Variants in PXN observed in about 807,000 individuals in gnomAD.
The protein encoded by PXN is paxillin, also known as testicular tissue protein Li 134.
Under a neutral mutation model 103.6 loss-of-function variants are expected in PXN, and 61 were observed. The ratio of observed to expected loss-of-function variants is 0.59; its 90% CI spans 0.48 to 0.73. The LOEUF (loss-of-function observed/expected upper bound fraction) is 0.73, where lower values mean the gene tolerates loss of function less well. Ranked by LOEUF, PXN falls within the 30% of genes least tolerant of loss-of-function variation. PXN has a pLI of 0.00. For missense variants in PXN, 1,274 were observed against 1,460.3 expected, an observed-to-expected ratio of 0.87 and a Z score of 2.08; for synonymous variants, 562 against 607.8, an observed-to-expected ratio of 0.92 and a Z score of 1.11.
At chr12:120,244,370 G>T (rs951718630) in intron 1 of PXN, among the ~76,000 whole-genome samples, 1 of 151,798 alleles carries the variant, frequency 6.6e-6, no homozygotes, top group Non-Finnish European at 1.5e-5. Context: ...AACTTGGTCG[G>T]GCGCGGTGGC....
rs1003426944 is a variant in PXN at position 120,212,724 on chromosome 12, C to G, written c.2980-144G>C. ...TTCCCATGTGCCGTGTTGTCCTAAA[C>G]GCTCATTTTTCATTTTTATTTTATT... is the stretch of plus-strand genomic sequence containing the variant. On this transcript the variant is annotated intron_variant, in intron 14 of 14. Transcript: ENST00000637617. This position sits in a 1 kb window ranked among gnomAD's most constrained non-coding sequence, Gnocchi z 7.2. The G allele has an allele frequency of 3.5e-5, 31 of 876,498 alleles. No homozygotes were observed. Among genetic ancestry groups the G allele is most frequent in the Middle Eastern group, 3.7e-4 (1 of 2,700 alleles). The allele number at this position is 876,498 out of a possible 1,614,324, so 54.3% of individuals were successfully genotyped here.
chr12:120,231,065 A>C (rs1045177825), intron 1 of PXN, among the ~76,000 whole-genome samples: 1 of 152,222 alleles, frequency 6.6e-6, no homozygotes, highest in African/African-American at 2.4e-5. Flanking sequence ...CAGTGAGCAG[A>C]GCAAACAGCC....
chr12:120,250,076 A>G (rs1240540311), intron 1 of PXN: 2 of 985,476 alleles, frequency 2.0e-6, no homozygotes, highest in Non-Finnish European at 2.4e-6. Context: ...ACCCCAGAGG[A>G]GCCCATCCCA....
At chr12:120,255,277 G>C (rs1163821501) in intron 1 of PXN, among the ~76,000 whole-genome samples, 3 of 152,224 alleles carry the variant, frequency 2.0e-5, no homozygotes, top group Non-Finnish European at 4.4e-5. Context: ...GGAAAAGAAG[G>C]TGGGAGGGTC....
At chr12:120,252,389 T>G (rs1364913808) in intron 1 of PXN, among the ~76,000 whole-genome samples, 1 of 151,834 alleles carries the variant, frequency 6.6e-6, no homozygotes, top group Non-Finnish European at 1.5e-5. Context: ...AGCAGGAGGG[T>G]CAACAGGCTG....
chr12:120,250,211 C>T (rs1372375304), intron 1 of PXN: 1 of 981,630 alleles, frequency 1.0e-6, no homozygotes, highest in Non-Finnish European at 1.2e-6. Context: ...ACTCCCATTT[C>T]CACCTAAGGA....
At position 120,213,996 on chromosome 12, in the gene PXN, G is replaced by GA; in HGVS notation, c.2831-7dup. 1.2e-6 allele frequency: 2 copies of GA among 1,611,404 alleles called. No individual in the cohort carries two copies. The highest frequency in any genetic ancestry group is 1.7e-6 in the Non-Finnish European group (2 of 1,179,084). ...GCCGTCCTTCTCGTGGAACCCTGGGGAGCGGGGGTTTTGGAGGCACAGTTC... is the reference window on the plus strand; with the variant it reads ...GCCGTCCTTCTCGTGGAACCCTGGGGAAGCGGGGGTTTTGGAGGCACAGTTC... On this transcript the variant is annotated splice_polypyrimidine_tract_variant and splice_region_variant and intron_variant, in intron 13 of 14. Transcript: ENST00000637617. The surrounding 1 kb of genome is among the most constrained non-coding windows in gnomAD (Gnocchi z 4.2).
chr12:120,215,341 T>A lies in PXN; in HGVS notation c.2404-68A>T. On this transcript the variant is annotated intron_variant, in intron 10 of 14. Transcript: ENST00000637617. The surrounding 1 kb of genome is among the most constrained non-coding windows in gnomAD (Gnocchi z 4.9). Reference sequence around the variant, plus strand: ...GGTACGGTGTCTGGCAGCACAGGGATGGGGGTACTTTTCTCCCTCCTGGAC... The same window carrying A: ...GGTACGGTGTCTGGCAGCACAGGGAAGGGGGTACTTTTCTCCCTCCTGGAC... 1 of 1,527,362 alleles carries A rather than the reference T, an allele frequency of 6.5e-7. No homozygotes were observed. The highest frequency in any genetic ancestry group is 8.8e-7 in the Non-Finnish European group (1 of 1,141,314). The allele number at this position is 1,527,362 out of a possible 1,614,324, so 94.6% of individuals were successfully genotyped here.
Position 120,212,229 on chromosome 12 carries a change from C to G in PXN, c.*85G>C. The G allele has an allele frequency of 6.5e-7, 1 of 1,534,374 alleles. No homozygotes were observed. Among genetic ancestry groups the G allele is most frequent in the Non-Finnish European group, 8.8e-7 (1 of 1,140,064 alleles). ...GTTCCAGTTTCAGTCGGGTTTACCC[C>G]TTCACCCCCGGGTGAAGTCTCTAGG... On this transcript the variant is annotated 3_prime_UTR_variant, in exon 15 of 15. Coordinates refer to ENST00000637617, the MANE Select transcript of PXN (RefSeq NM_001385981.1). This position sits in a 1 kb window ranked among gnomAD's most constrained non-coding sequence, Gnocchi z 7.2.
chr12:120,260,498 A>AG (rs1285759173), intron 1 of PXN, among the ~76,000 whole-genome samples: 5 of 48,898 alleles, frequency 1.0e-4, no homozygotes, highest in African/African-American at 5.6e-4. Context: ...AGTGAAACTC[A>AG]GGAAAAAAAA....
At position 120,216,483 on chromosome 12, in the gene PXN, C is replaced by T. The variant is rs554744807; in HGVS notation, c.2091G>A (p.Ala697=). 1.4e-6 allele frequency: 2 copies of T among 1,385,366 alleles called. No individual in the cohort carries two copies. The highest frequency in any genetic ancestry group is 1.5e-5 in the African/African-American group (1 of 66,080). 85.8% of individuals were successfully genotyped at this position (1,385,366 alleles called of 1,614,324 possible). A position where few individuals can be genotyped will look rare whatever the true frequency, so the allele number is the denominator to read the frequency against. Residue 697 remains alanine, a synonymous_variant, in exon 9 of 15, where the codon GCG becomes GCA. Transcript: ENST00000637617. This position sits in a 1 kb window ranked among gnomAD's most constrained non-coding sequence, Gnocchi z 5.1. ...TGGGCAGGGGAGAAGAGCTGCTGGC[C>T]GCGGCGTCTGTGCGATGCTGGAGCA... ...VPLLQHRTDA[A]ASSSSPLPSL... is the part of the protein sequence containing the mutation.
At position 120,212,020 on chromosome 12, in the gene PXN, T is replaced by A. The variant is rs367774069; in HGVS notation, c.*294A>T. ...CAGTGTGGGGTGCTGGCCAGGCCAG[T>A]TCGTGGGGACGTACATGGGCTGGGG... On this transcript the variant is annotated 3_prime_UTR_variant, in exon 15 of 15. Transcript: ENST00000637617. This position sits in a 1 kb window ranked among gnomAD's most constrained non-coding sequence, Gnocchi z 7.2. 6.5e-5 allele frequency: 42 copies of A among 650,032 alleles called. No individual in the cohort carries two copies. The highest frequency in any genetic ancestry group is 1.2e-4 in the Non-Finnish European group (41 of 344,542). The allele number at this position is 650,032 out of a possible 1,614,324, so 40.3% of individuals were successfully genotyped here.
chr12:120,222,265 G>T lies in PXN; in HGVS notation c.695+284C>A, dbSNP rs981382052. ...TAAGGCTTGAGAGCTGACAGTAACT[G>T]TCAGAGCCAAGATGTGAACCCCACT... is the stretch of plus-strand genomic sequence containing the variant. On this transcript the variant is annotated intron_variant, in intron 5 of 14. Transcript: ENST00000637617. The surrounding 1 kb of genome is among the most constrained non-coding windows in gnomAD (Gnocchi z 4.7). 6.6e-6 allele frequency among the ~76,000 whole-genome samples: 1 copy of T among 152,318 alleles called. No individual in the cohort carries two copies. The highest frequency in any genetic ancestry group is 6.5e-5 in the Admixed American group (1 of 15,306).
chr12:120,252,717 T>TCAAATACAAG (rs1407123498), intron 1 of PXN, among the ~76,000 whole-genome samples: 2 of 151,850 alleles, frequency 1.3e-5, no homozygotes, highest in African/African-American at 4.8e-5. Context: ...ACAGAGAGGG[T>TCAAATACAAG]CAAATACAAG....
In PXN at chr12:120,220,724, C is replaced by T. The variant is rs541534468; in HGVS notation, c.832-633G>A. On this transcript the variant is annotated intron_variant, in intron 6 of 14. Coordinates refer to ENST00000637617, the MANE Select transcript of PXN (RefSeq NM_001385981.1). This position sits in a 1 kb window ranked among gnomAD's most constrained non-coding sequence, Gnocchi z 6.1. ...CTGGCCTGGAGCTGGAACTATAGCA[C>T]GCAAGGGTCACAGGGCCAGGCTCAA... Among the ~76,000 whole-genome samples, 152 of 152,256 alleles carry T rather than the reference C, an allele frequency of 1.0e-3. 1 individual carries two copies. The highest frequency in any genetic ancestry group is 3.3e-3 in the African/African-American group (136 of 41,546).
chr12:120,220,183 G>C lies in PXN; in HGVS notation c.832-92C>G, dbSNP rs1008666151. 5.6e-5 allele frequency: 31 copies of C among 553,992 alleles called. No individual in the cohort carries two copies. In the South Asian group the frequency reaches 6.0e-4, roughly 11 times the overall value. The allele number at this position is 553,992 out of a possible 1,614,324, so 34.3% of individuals were successfully genotyped here. A position where few individuals can be genotyped will look rare whatever the true frequency, so the allele number is the denominator to read the frequency against. ...CTTGCAGGCGGTGGGCTCGGCCTTA[G>C]GGCTGACCAAGGTGGCTGCAAAGCT... is the stretch of plus-strand genomic sequence containing the variant. On this transcript the variant is annotated intron_variant, in intron 6 of 14. Transcript: ENST00000637617. The surrounding 1 kb of genome is among the most constrained non-coding windows in gnomAD (Gnocchi z 6.1).
At position 120,212,077 on chromosome 12, in the gene PXN, T is replaced by G. The variant is rs1880349908; in HGVS notation, c.*237A>C. ...CCCCAGCCTCTACCCCTGGGGAGGATGGAGAGTGGGCAGCCTAGGGAGAGC... is the reference window on the plus strand; with the variant it reads ...CCCCAGCCTCTACCCCTGGGGAGGAGGGAGAGTGGGCAGCCTAGGGAGAGC... On this transcript the variant is annotated 3_prime_UTR_variant, in exon 15 of 15. Transcript: ENST00000637617. This position sits in a 1 kb window ranked among gnomAD's most constrained non-coding sequence, Gnocchi z 7.2. The G allele has an allele frequency of 6.3e-5, 45 of 718,446 alleles. No homozygotes were observed. The highest frequency in any genetic ancestry group is 8.3e-5 in the East Asian group (3 of 36,112). The allele number at this position is 718,446 out of a possible 1,614,324, so 44.5% of individuals were successfully genotyped here.
At chr12:120,226,205 A>T (rs1228596513) in intron 1 of PXN, 8 of 1,248,394 alleles carry the variant, frequency 6.4e-6, no homozygotes, top group Non-Finnish European at 8.3e-6. Flanking sequence ...CCAATCAGCA[A>T]TGGGTGGATC....
chr12:120,230,256 G>A (rs1386250048), intron 1 of PXN, among the ~76,000 whole-genome samples: 1 of 152,178 alleles, frequency 6.6e-6, no homozygotes, highest in Non-Finnish European at 1.5e-5. Context: ...CGCAGCCCTG[G>A]GCCAGCTGTC....
Sources: gnomAD v4.1 joint callset for allele counts (sites outside exome capture counted in the v4.1 genomes callset) on GRCh38, gnomAD v4.1.1 for gene constraint, Gnocchi (gnomAD v3.1) non-coding constraint, MANE v1.5 for transcripts, NCBI Gene and HGNC (gene_info 2026-07-23, HGNC 2026-07-21) for gene names.